CCDC136: variants seen among roughly 807,000 people sequenced by gnomAD.
The protein encoded by CCDC136 is coiled-coil domain-containing protein 136.
A neutral mutation model predicts 141.2 loss-of-function variants in CCDC136; 100 were observed. The ratio of observed to expected loss-of-function variants is 0.71; its 90% CI spans 0.60 to 0.84. The LOEUF (loss-of-function observed/expected upper bound fraction) is 0.84. Ranked by LOEUF, CCDC136 falls within the 40% of genes least tolerant of loss-of-function variation. CCDC136 has a pLI of 0.00. For synonymous variants in CCDC136, 474 were observed against 531.9 expected, an observed-to-expected ratio of 0.89 and a Z score of 1.50; for missense variants, 1,206 against 1,379.4, an observed-to-expected ratio of 0.87 and a Z score of 1.99.
intron 4 of CCDC136, 106 bp downstream of exon 4, chr7:128,801,615 A>T: frequency 1.2e-6 from 1 of 833,252 alleles, no homozygotes; most frequent in Non-Finnish European, 1.8e-6. Context: ...GAATCTCTAG[A>T]AAAAACCTCC....
chr7:128,821,732 G>A lies in CCDC136; in HGVS notation c.*6-67G>A. 1 of 1,248,484 alleles carries A rather than the reference G, an allele frequency of 8.0e-7. No homozygotes were observed. Among genetic ancestry groups the A allele is most frequent in the Non-Finnish European group, 1.1e-6 (1 of 951,538 alleles). 77.3% of individuals were successfully genotyped at this position (1,248,484 alleles called of 1,614,324 possible). A position where few individuals can be genotyped will look rare whatever the true frequency, so the allele number is the denominator to read the frequency against. On this transcript the variant is annotated intron_variant, in intron 17 of 17. Transcript: ENST00000297788. This position sits in a 1 kb window ranked among gnomAD's most constrained non-coding sequence, Gnocchi z 5.1. ...GAGGTGTCTTGGGCACCCATAGGCA[G>A]GTGACTTCTGGCTTAGGGCAGGGTT...
At chr7:128,804,602 T>G in intron 4 of CCDC136, 48 bp from the exon 5 acceptor site, 2 of 1,161,578 alleles carry the variant, frequency 1.7e-6, no homozygotes, top group Non-Finnish European at 1.3e-6. Flanking sequence ...TGGTCATCAG[T>G]GCTTTCCTTT....
Position 128,794,220 on chromosome 7 carries a change from C to T in CCDC136, c.17-128C>T. Reference sequence around the variant, plus strand: ...CTTGAGTACAGGTCTTGCCCCGGGGCTCCTTGGGGGACACCAGGTGGCACT... The same window carrying T: ...CTTGAGTACAGGTCTTGCCCCGGGGTTCCTTGGGGGACACCAGGTGGCACT... On this transcript the variant is annotated intron_variant, in intron 1 of 17. Transcript: ENST00000297788. This position sits in a 1 kb window ranked among gnomAD's most constrained non-coding sequence, Gnocchi z 4.3. 8 of 1,322,412 alleles carry T rather than the reference C, an allele frequency of 6.0e-6. No homozygotes were observed. Among genetic ancestry groups the T allele is most frequent in the Non-Finnish European group, 8.5e-6 (8 of 944,424 alleles). 81.9% of individuals were successfully genotyped at this position (1,322,412 alleles called of 1,614,324 possible).
At chr7:128,806,542 G>A (rs1014640489) in intron 8 of CCDC136, 146 bp from the exon 9 acceptor site, 15 of 1,049,278 alleles carry the variant, frequency 1.4e-5, no homozygotes, top group South Asian at 3.4e-5. Flanking sequence ...AGCCCTGCTC[G>A]AGTACTACAT....
chr7:128,820,625 G>T (rs976711905), intron 17 of CCDC136, among the ~76,000 whole-genome samples: 1 of 152,174 alleles, frequency 6.6e-6, no homozygotes, highest in Non-Finnish European at 1.5e-5. Flanking sequence ...TAGAGACAGG[G>T]TCTCGCTCTG....
intron 16 of CCDC136, among the ~76,000 whole-genome samples, chr7:128,816,364 G>T (rs986316593): frequency 6.6e-6 from 1 of 152,166 alleles, no homozygotes; most frequent in African/African-American, 2.4e-5. Context: ...GCCCTGTTAG[G>T]TTTAACCTTT....
intron 3 of CCDC136, among the ~76,000 whole-genome samples, chr7:128,796,739 A>ATATATATATATATATATATTT: frequency 7.9e-5 from 9 of 113,374 alleles, no homozygotes; most frequent in African/African-American, 3.7e-4. Context: ...ATATATATAT[A>ATATATATATATATATATATTT]TTCTTTTTTT....
chr7:128,800,369 C>A (rs554219787), intron 3 of CCDC136, among the ~76,000 whole-genome samples: 43 of 152,264 alleles, frequency 2.8e-4, no homozygotes, highest in Non-Finnish European at 5.4e-4. Context: ...TGGCTCACAG[C>A]AACCTCTGCC....
chr7:128,807,627 C>A, intron 10 of CCDC136, 82 bp downstream of exon 10: 1 of 956,882 alleles, frequency 1.0e-6, no homozygotes, highest in Non-Finnish European at 1.4e-6. Context: ...TGAAGGCACC[C>A]AACCCAAGGG....
In CCDC136 at chr7:128,809,467, C is replaced by A; in HGVS notation, c.1623C>A (p.Ser541=). 6.5e-7 allele frequency: 1 copy of A among 1,548,962 alleles called. No homozygotes were observed. The highest frequency in any genetic ancestry group is 8.7e-7 in the Non-Finnish European group (1 of 1,146,426). ...KCANKCDTLL[S]RLTELQEKYK... Reference sequence around the variant, plus strand: ...ACCCACAGTGTGACACACTGCTGTCCAGACTGACAGAATTGCAGGAAAAGT... The same window carrying A: ...ACCCACAGTGTGACACACTGCTGTCAAGACTGACAGAATTGCAGGAAAAGT... Residue 541 remains serine (S), a synonymous_variant, in exon 11 of 18, where the codon TCC becomes TCA. Transcript: ENST00000297788.
In CCDC136 at chr7:128,810,410, C is replaced by T. The variant is rs768745364; in HGVS notation, c.2028+44C>T. ...AGGGAGACAGTTCTCCTGAGCACAA[C>T]AGCATGGCAGAGAGAGTGGGCACCG... On this transcript the variant is annotated intron_variant, in intron 12 of 17. Coordinates refer to ENST00000297788, the MANE Select transcript of CCDC136 (RefSeq NM_022742.5). The T allele has an allele frequency of 5.7e-6, 8 of 1,401,422 alleles. No homozygotes were observed. The Admixed American group carries it at 1.3e-4, about 22-fold the overall frequency. 86.8% of individuals were successfully genotyped at this position (1,401,422 alleles called of 1,614,324 possible).
chr7:128,799,108 G>T (rs984145867), intron 3 of CCDC136, among the ~76,000 whole-genome samples: 1 of 147,832 alleles, frequency 6.8e-6, no homozygotes, highest in Non-Finnish European at 1.5e-5. Context: ...AGCCAAGATG[G>T]ATCGCCTGAG....
rs2128923516 is a variant in CCDC136, at chr7:128,815,722, G to C, written c.3154G>C (p.Glu1052Gln). The C allele has an allele frequency of 6.4e-7, 1 of 1,557,562 alleles. No individual in the cohort carries two copies. Among genetic ancestry groups the C allele is most frequent in the Non-Finnish European group, 8.7e-7 (1 of 1,150,560 alleles). ...EMEEEKKQVK[E>Q]EAKEQCGDEL... is the part of the protein sequence containing the mutation. ...GGAGGAGGAAAAAAAGCAAGTGAAA[G>C]AGGAAGCAAAGGAGCAGTGTGGGGA... Residue 1052 changes from glutamate to glutamine, a missense_variant, in exon 16 of 18, where the codon GAG becomes CAG. By Grantham distance (29) the Glu-to-Gln change is conservative. Transcript: ENST00000297788.
In CCDC136 at chr7:128,806,224, C is replaced by A; in HGVS notation, c.1090-13C>A. On this transcript the variant is annotated splice_polypyrimidine_tract_variant and intron_variant, in intron 7 of 17. Coordinates refer to ENST00000297788, the MANE Select transcript of CCDC136 (RefSeq NM_022742.5). Reference sequence around the variant, plus strand: ...TGAGAGTAACTGTTCTACTCACATCCTCCCTACCACAGAATGAGGAGCTGA... The same window carrying A: ...TGAGAGTAACTGTTCTACTCACATCATCCCTACCACAGAATGAGGAGCTGA... 6.5e-7 allele frequency: 1 copy of A among 1,544,638 alleles called. No individual in the cohort carries two copies.
chr7:128,806,533 G>A lies in CCDC136; in HGVS notation c.1248+138G>A, dbSNP rs539748667. ...GCAGCACCACAGGTAAAGAACTCCAGCCCTGCTCGAGTACTACATTAGATA... is the reference window on the plus strand; with the variant it reads ...GCAGCACCACAGGTAAAGAACTCCAACCCTGCTCGAGTACTACATTAGATA... On this transcript the variant is annotated intron_variant, in intron 8 of 17. Coordinates refer to ENST00000297788, the MANE Select transcript of CCDC136 (RefSeq NM_022742.5). The A allele has an allele frequency of 1.3e-5, 14 of 1,067,462 alleles. No individual in the cohort carries two copies. The East Asian group carries it at 3.7e-4, about 28-fold the overall frequency. 66.1% of individuals were successfully genotyped at this position (1,067,462 alleles called of 1,614,324 possible).
At position 128,817,909 on chromosome 7, in the gene CCDC136, G is replaced by A. The variant is rs768623635; in HGVS notation, c.*5+45G>A. The A allele has an allele frequency of 1.9e-5, 29 of 1,487,574 alleles. No homozygotes were observed. The highest frequency in any genetic ancestry group is 3.5e-4 in the Middle Eastern group (2 of 5,786). The allele number at this position is 1,487,574 out of a possible 1,614,324, so 92.1% of individuals were successfully genotyped here. ...TCCTTCTGAGGGATAGAGGGAGGGT[G>A]CAGGTTGCCCTGGCCTCTCCTCTTT... On this transcript the variant is annotated intron_variant, in intron 17 of 17. Transcript: ENST00000297788. The surrounding 1 kb of genome is among the most constrained non-coding windows in gnomAD (Gnocchi z 4.6).
At position 128,811,790 on chromosome 7, in the gene CCDC136, C is replaced by T. The variant is rs756890914; in HGVS notation, c.2029-10C>T. 3.8e-6 allele frequency: 6 copies of T among 1,560,884 alleles called. No homozygotes were observed. The South Asian group carries it at 7.4e-5, about 19-fold the overall frequency. ...GAGTAATGATACTGTCTCCCCACCCCTGCCCCCAGCAATCCAAGCTGCTCA... is the reference window on the plus strand; with the variant it reads ...GAGTAATGATACTGTCTCCCCACCCTTGCCCCCAGCAATCCAAGCTGCTCA... On this transcript the variant is annotated splice_polypyrimidine_tract_variant and intron_variant, in intron 12 of 17. Coordinates refer to ENST00000297788, the MANE Select transcript of CCDC136 (RefSeq NM_022742.5).
At position 128,821,683 on chromosome 7, in the gene CCDC136, C is replaced by CA; in HGVS notation, c.*6-115dup. The CA allele has an allele frequency of 1.4e-6, 1 of 739,796 alleles. No individual in the cohort carries two copies. The highest frequency in any genetic ancestry group is 2.0e-6 in the Non-Finnish European group (1 of 502,912). The allele number at this position is 739,796 out of a possible 1,614,324, so 45.8% of individuals were successfully genotyped here. A position where few individuals can be genotyped will look rare whatever the true frequency, so the allele number is the denominator to read the frequency against. The stretch of plus-strand genomic sequence containing the variant: ...CCTCCACCGGTTACCCAGGAGGTAA[C>CA]AGAGACTGATCCACAATGTTCCTGA... On this transcript the variant is annotated intron_variant, in intron 17 of 17. Transcript: ENST00000297788. This position sits in a 1 kb window ranked among gnomAD's most constrained non-coding sequence, Gnocchi z 5.1.
intron 12 of CCDC136, 113 bp from the exon 13 acceptor site, chr7:128,811,687 T>C (rs17165198): frequency 0.14 from 136,520 of 945,072 alleles, 10,348 homozygotes; most frequent in African/African-American, 0.2. Flanking sequence ...GAGGTGGAAA[T>C]GTAGGTGTGC....
Sources: gnomAD v4.1 joint callset for allele counts (sites outside exome capture counted in the v4.1 genomes callset) on GRCh38, gnomAD v4.1.1 for gene constraint, Gnocchi (gnomAD v3.1) non-coding constraint, MANE v1.5 for transcripts, NCBI Gene and HGNC (gene_info 2026-07-23, HGNC 2026-07-21) for gene names.